NPSR1: variants seen among roughly 807,000 people sequenced by gnomAD.
NPSR1 encodes the protein neuropeptide S receptor.
NPSR1 carries 48 observed loss-of-function variants against 46.9 expected under a neutral mutation model. The observed-to-expected ratio is 1.02, with a 90% CI of 0.81 to 1.30. The LOEUF is 1.30. Ranked by LOEUF, NPSR1 falls within the 50% of genes most tolerant of loss-of-function variation. NPSR1 has a pLI of 0.00. For synonymous variants in NPSR1, 176 were observed against 168.1 expected (o/e 1.05, Z -0.36); for missense variants, 450 against 449.5 (o/e 1.00, Z -0.01).
intron 4 of NPSR1, among the ~76,000 whole-genome samples, chr7:34,821,259 C>T (rs947529321): frequency 6.6e-6 from 1 of 151,686 alleles, no homozygotes; most frequent in Non-Finnish European, 1.5e-5. Context: ...CTCAGCCTCC[C>T]GAGTAGCTGG....
At chr7:34,869,319 G>T (rs1209237529) in intron 8 of NPSR1, among the ~76,000 whole-genome samples, 15 of 151,706 alleles carry the variant, frequency 9.9e-5, no homozygotes, top group Non-Finnish European at 2.1e-4. Context: ...GGAAATAAAG[G>T]CCCAGTCATT....
At chr7:34,822,477 C>A (rs994193900) in intron 4 of NPSR1, among the ~76,000 whole-genome samples, 7 of 151,808 alleles carry the variant, frequency 4.6e-5, no homozygotes, top group African/African-American at 1.7e-4. Flanking sequence ...CCAGCAACTC[C>A]AGAAAAGTTG....
rs549342108 is a variant in NPSR1 at position 34,663,712 on chromosome 7, C to T, written c.147+5153C>T. Among the ~76,000 whole-genome samples the T allele has an allele frequency of 6.6e-5, 10 of 152,332 alleles. No homozygotes were observed. The South Asian group carries it at 2.1e-3, about 32-fold the overall frequency. ...CAAACTCTTCCATCGCCCTCAGCGA[C>T]CCCCCTGTCATGGGGAAATTGATGA... On this transcript the variant is annotated intron_variant, in intron 1 of 8. Transcript: ENST00000360581.
chr7:34,848,007 G>A (rs577444680), intron 7 of NPSR1, among the ~76,000 whole-genome samples: 4 of 152,314 alleles, frequency 2.6e-5, no homozygotes, highest in Admixed American at 2.6e-4. Context: ...TCATTAAACT[G>A]GGGTGTGCTT....
intron 2 of NPSR1, chr7:34,719,538 G>C (rs1783746272): frequency 6.6e-6 from 1 of 152,202 alleles, no homozygotes; most frequent in Non-Finnish European, 1.5e-5. Flanking sequence ...ATGACATGCT[G>C]TCTCTATGCA....
chr7:34,762,297 A>T (rs1786215470), intron 2 of NPSR1, among the ~76,000 whole-genome samples: 1 of 152,186 alleles, frequency 6.6e-6, no homozygotes, highest in Non-Finnish European at 1.5e-5. Flanking sequence ...ATTAATAAAG[A>T]GCCGGGGAGT....
intron 2 of NPSR1, among the ~76,000 whole-genome samples, chr7:34,702,851 T>C (rs189626272): frequency 3.3e-5 from 5 of 152,214 alleles, no homozygotes; most frequent in African/African-American, 1.2e-4. Context: ...CTTTTTTGGT[T>C]ACCCAAGTTA....
At chr7:34,724,072 T>G (rs2128709504) in intron 2 of NPSR1, among the ~76,000 whole-genome samples, 1 of 152,324 alleles carries the variant, frequency 6.6e-6, no homozygotes, top group South Asian at 2.1e-4. Context: ...AAATCATCCA[T>G]TATACTTTCA....
At chr7:34,863,367 A>G (rs1042243299) in intron 8 of NPSR1, among the ~76,000 whole-genome samples, 2 of 152,036 alleles carry the variant, frequency 1.3e-5, no homozygotes, top group Non-Finnish European at 2.9e-5. Context: ...AACAAAAGCC[A>G]AAATTGGTAA....
chr7:34,711,093 G>A (rs1182421009), intron 2 of NPSR1: 2 of 307,074 alleles, frequency 6.5e-6, no homozygotes, highest in Admixed American at 3.4e-5. Context: ...TAGCTTCTTC[G>A]CCTTTGTCAG....
intron 3 of NPSR1, among the ~76,000 whole-genome samples, chr7:34,792,691 A>ATATATATATGTATATATATATATG (rs1162825872): frequency 1.0e-5 from 1 of 95,668 alleles, no homozygotes; most frequent in South Asian, 2.9e-4. Context: ...ATATATATGT[A>ATATATATATGTATATATATATATG]TATATATACG....
chr7:34,685,275 T>C (rs1792869677), intron 2 of NPSR1, among the ~76,000 whole-genome samples: 1 of 152,066 alleles, frequency 6.6e-6, no homozygotes, highest in Non-Finnish European at 1.5e-5. Context: ...TGAAATATTC[T>C]CAAGGAAGAA....
rs1340856182 is a variant in NPSR1, at chr7:34,791,197, ATATAT to A, written c.384+12643_384+12647del. ...TATTATATTATATATGTTATATGTT[ATATAT>A]TATATTATATATGTTATATGTTATA... On this transcript the variant is annotated intron_variant, in intron 3 of 8. Transcript: ENST00000360581. Among the ~76,000 whole-genome samples the A allele has an allele frequency of 2.5e-4, 19 of 75,686 alleles. 1 individual carries two copies. Among genetic ancestry groups the A allele is most frequent in the Admixed American group, 8.1e-4 (6 of 7,396 alleles). The allele number at this position is 75,686 out of a possible 152,430, so 49.7% of individuals were successfully genotyped here.
chr7:34,672,815 A>G (rs1792123500), intron 1 of NPSR1, among the ~76,000 whole-genome samples: 1 of 152,236 alleles, frequency 6.6e-6, no homozygotes, highest in Non-Finnish European at 1.5e-5. Context: ...GGAAGATCGC[A>G]GATGGACAAG....
intron 5 of NPSR1, among the ~76,000 whole-genome samples, chr7:34,833,247 A>T (rs1790200673): frequency 6.6e-6 from 1 of 152,234 alleles, no homozygotes; most frequent in African/African-American, 2.4e-5. Context: ...CAAAGTTTTT[A>T]GTCAAGATGC....
At chr7:34,853,027 C>G (rs1584145333), downstream of NPSR1, among the ~76,000 whole-genome samples, 1 of 152,302 alleles carries the variant, frequency 6.6e-6, no homozygotes, top group East Asian at 1.9e-4. Flanking sequence ...CCCACCTTTT[C>G]CCCCAGAAAA....
intron 2 of NPSR1, chr7:34,719,943 A>T (rs1465305071): frequency 2.0e-5 from 3 of 152,036 alleles, no homozygotes; most frequent in Non-Finnish European, 2.9e-5. Flanking sequence ...CAAGCCAAGG[A>T]GCCCTCCATG....
chr7:34,721,016 G>C (rs977641792), intron 2 of NPSR1, among the ~76,000 whole-genome samples: 2 of 152,128 alleles, frequency 1.3e-5, no homozygotes, highest in Admixed American at 1.3e-4. Flanking sequence ...AAATACCTTA[G>C]TGACTAGAAA....
chr7:34,681,582 C>G (rs911024943), intron 1 of NPSR1, among the ~76,000 whole-genome samples: 1 of 152,148 alleles, frequency 6.6e-6, no homozygotes, highest in Non-Finnish European at 1.5e-5. Flanking sequence ...ACTTCCTCAG[C>G]CTCCTAGCAG....
Sources: gnomAD v4.1 joint callset for allele counts (sites outside exome capture counted in the v4.1 genomes callset) on GRCh38, gnomAD v4.1.1 for gene constraint, MANE v1.5 for transcripts, NCBI Gene and HGNC (gene_info 2026-07-23, HGNC 2026-07-21) for gene names.